Variants in SLC38A12 observed in about 807,000 individuals in gnomAD.
SLC38A12 encodes putative sodium-coupled neutral amino acid transporter 12.
the SLC38A12 span, among the ~76,000 whole-genome samples, chr17:74,793,125 A>C: frequency 6.6e-6 from 1 of 152,192 alleles, no homozygotes; most frequent in East Asian, 1.9e-4. Flanking sequence ...ATGGAAAATA[A>C]AGACATTGTC....
At chr17:74,811,907 G>A in the SLC38A12 span, among the ~76,000 whole-genome samples, 3 of 152,016 alleles carry the variant, frequency 2.0e-5, no homozygotes, top group African/African-American at 4.8e-5. Context: ...TTAGCAGAAT[G>A]TGGTGGCATG....
At chr17:74,811,883 A>G in the SLC38A12 span, among the ~76,000 whole-genome samples, 1 of 151,960 alleles carries the variant, frequency 6.6e-6, no homozygotes, top group African/African-American at 2.4e-5. Context: ...AAAAATAATA[A>G]TAATAATAAT....
At chr17:74,782,479 C>T in the SLC38A12 span, among the ~76,000 whole-genome samples, 11 of 152,172 alleles carry the variant, frequency 7.2e-5, no homozygotes, top group Non-Finnish European at 1.5e-4. Context: ...GCACAGGGCC[C>T]GGTCTGTAGA....
chr17:74,791,323 A>G, the SLC38A12 span, among the ~76,000 whole-genome samples: 11 of 147,852 alleles, frequency 7.4e-5, no homozygotes, highest in African/African-American at 1.0e-4. Flanking sequence ...TACTCCAGTG[A>G]GGGTCAGGAA....
chr17:74,778,008 G>A, the SLC38A12 span, among the ~76,000 whole-genome samples: 1 of 152,210 alleles, frequency 6.6e-6, no homozygotes, highest in Non-Finnish European at 1.5e-5. Context: ...TTGACTCTGG[G>A]TTTTGCTCAT....
the SLC38A12 span, chr17:74,785,524 G>T: frequency 6.2e-7 from 1 of 1,614,012 alleles, no homozygotes. Flanking sequence ...GGGCACGGGC[G>T]CACTCACCAT....
the SLC38A12 span, among the ~76,000 whole-genome samples, chr17:74,786,416 AG>A: frequency 6.6e-6 from 1 of 152,196 alleles, no homozygotes; most frequent in Non-Finnish European, 1.5e-5. Context: ...CTGGGTACTG[AG>A]GGGGCCTCAC....
At chr17:74,783,781 A>G in the SLC38A12 span, among the ~76,000 whole-genome samples, 1 of 122,870 alleles carries the variant, frequency 8.1e-6, no homozygotes, top group Non-Finnish European at 1.6e-5. Context: ...CCCAGCCTGG[A>G]GTGCAGTGGC....
chr17:74,809,559 C>T, the SLC38A12 span, among the ~76,000 whole-genome samples: 9 of 152,224 alleles, frequency 5.9e-5, no homozygotes, highest in Non-Finnish European at 8.8e-5. Flanking sequence ...GGCCAGACTC[C>T]TGGAGCGGGT....
chr17:74,800,874 TGTTTAGGA>T, the SLC38A12 span, among the ~76,000 whole-genome samples: 1 of 152,212 alleles, frequency 6.6e-6, no homozygotes, highest in Non-Finnish European at 1.5e-5. Flanking sequence ...AAGCTGTCTC[TGTTTAGGA>T]GTCTAGTGGG....
At chr17:74,818,778 T>C in the SLC38A12 span, among the ~76,000 whole-genome samples, 1 of 152,216 alleles carries the variant, frequency 6.6e-6, no homozygotes, top group Non-Finnish European at 1.5e-5. Context: ...CTCACACTGC[T>C]TCCGAGTGGC....
the SLC38A12 span, among the ~76,000 whole-genome samples, chr17:74,826,699 C>T: frequency 2.0e-5 from 3 of 152,212 alleles, no homozygotes; most frequent in African/African-American, 4.8e-5. Context: ...CTCACCCACA[C>T]CACAGCCCAA....
the SLC38A12 span, among the ~76,000 whole-genome samples, chr17:74,830,060 A>G: frequency 6.6e-6 from 1 of 152,036 alleles, no homozygotes; most frequent in Non-Finnish European, 1.5e-5. Context: ...CCCTGCCCAC[A>G]GAGACCGAAG....
chr17:74,807,863 AG>A, the SLC38A12 span, among the ~76,000 whole-genome samples: 1 of 152,168 alleles, frequency 6.6e-6, no homozygotes, highest in Non-Finnish European at 1.5e-5. Flanking sequence ...ACATCCGTAA[AG>A]CTCTCCTAGG....
the SLC38A12 span, among the ~76,000 whole-genome samples, chr17:74,779,201 C>A: frequency 6.6e-6 from 1 of 151,990 alleles, no homozygotes; most frequent in Non-Finnish European, 1.5e-5. Context: ...TGGATATGTC[C>A]CCATTTCTTG....
the SLC38A12 span, among the ~76,000 whole-genome samples, chr17:74,831,744 T>C: frequency 6.6e-6 from 1 of 152,162 alleles, no homozygotes. Flanking sequence ...AAGTCCTGGG[T>C]GTCTGGTCCT....
chr17:74,813,595 G>A, the SLC38A12 span, among the ~76,000 whole-genome samples: 1 of 152,118 alleles, frequency 6.6e-6, no homozygotes, highest in Non-Finnish European at 1.5e-5. Flanking sequence ...CTGCCTCCCG[G>A]GTTCAAGCCG....
chr17:74,835,464 C>A, the SLC38A12 span, among the ~76,000 whole-genome samples: 1 of 152,212 alleles, frequency 6.6e-6, no homozygotes, highest in Admixed American at 6.5e-5. Flanking sequence ...GTCTACCCCC[C>A]AGCACTCCAG....
At chr17:74,790,323 G>T in the SLC38A12 span, 1 of 1,598,176 alleles carries the variant, frequency 6.3e-7, no homozygotes, top group Non-Finnish European at 8.6e-7. Flanking sequence ...TCGCGGGCCC[G>T]CACTTCCCTC....
Sources: allele counts gnomAD v4.1 joint callset (sites outside exome capture counted in the v4.1 genomes callset), GRCh38; gene constraint gnomAD v4.1.1; transcripts MANE v1.5; gene names NCBI Gene and HGNC (gene_info 2026-07-23, HGNC 2026-07-21).